PAH: variants seen among roughly 807,000 people sequenced by gnomAD.
PAH encodes phenylalanine hydroxylase, also known as phenylalanine-4-hydroxylase.
PAH carries 64 observed loss-of-function variants against 62.0 expected under a neutral mutation model. That is an observed-to-expected ratio of 1.03 (90% CI 0.84 to 1.27). The LOEUF (loss-of-function observed/expected upper bound fraction) is 1.27, where lower values mean the gene tolerates loss of function less well. Ranked by LOEUF, PAH falls within the 50% of genes most tolerant of loss-of-function variation. The pLI, the probability that PAH is intolerant of heterozygous loss-of-function variation, is 0.00. For missense variants in PAH, 579 were observed against 542.8 expected, an observed-to-expected ratio of 1.07 and a Z score of -0.66; for synonymous variants, 195 against 196.2, an observed-to-expected ratio of 0.99 and a Z score of 0.05.
At chr12:102,863,808 G>A (rs1210820280) in intron 5 of PAH, among the ~76,000 whole-genome samples, 1 of 152,012 alleles carries the variant, frequency 6.6e-6, no homozygotes, top group Non-Finnish European at 1.5e-5. Flanking sequence ...TCTCCTTTAT[G>A]TTTGAGTTGT....
At chr12:102,872,773 G>T (rs1227908123) in intron 4 of PAH, among the ~76,000 whole-genome samples, 1 of 152,126 alleles carries the variant, frequency 6.6e-6, no homozygotes, top group African/African-American at 2.4e-5. Flanking sequence ...TTTGAGACCA[G>T]CTTGGCCAAC....
intron 3 of PAH, among the ~76,000 whole-genome samples, chr12:102,882,642 CTATATATATATATATA>C (rs869088873): frequency 2.3e-5 from 2 of 85,872 alleles, no homozygotes; most frequent in South Asian, 4.1e-4. Flanking sequence ...TATATATACA[CTATATATATATATATA>C]TATATATATA....
At chr12:102,865,200 G>A (rs1246798656) in intron 5 of PAH, among the ~76,000 whole-genome samples, 1 of 152,008 alleles carries the variant, frequency 6.6e-6, no homozygotes. Context: ...ATCTGTCTCC[G>A]CTCTCCCCAA....
intron 1 of PAH, among the ~76,000 whole-genome samples, chr12:102,924,144 T>G (rs1224305510): frequency 6.6e-6 from 1 of 152,172 alleles, no homozygotes; most frequent in Non-Finnish European, 1.5e-5. Flanking sequence ...TCACAGCACA[T>G]TGACACATCT....
intron 5 of PAH, among the ~76,000 whole-genome samples, chr12:102,856,687 T>C (rs1193151510): frequency 1.3e-5 from 2 of 152,224 alleles, no homozygotes; most frequent in Non-Finnish European, 2.9e-5. Context: ...ATATTTGCTG[T>C]TCTGCAGCCT....
intron 2 of PAH, 100 bp downstream of exon 2, chr12:102,912,691 C>T: frequency 1.2e-6 from 1 of 865,484 alleles, no homozygotes; most frequent in East Asian, 2.5e-5. Flanking sequence ...TTCAAATCTG[C>T]CTGTTCCAGA....
upstream of PAH, among the ~76,000 whole-genome samples, chr12:102,951,176 T>C (rs1251741089): frequency 1.1e-4 from 16 of 152,180 alleles, no homozygotes. Flanking sequence ...TTAAACCCTC[T>C]AATTATTTAT....
At chr12:102,858,873 A>T (rs1027961872) in intron 5 of PAH, among the ~76,000 whole-genome samples, 1 of 152,222 alleles carries the variant, frequency 6.6e-6, no homozygotes, top group Non-Finnish European at 1.5e-5. Context: ...AGAAAGCAGG[A>T]AAGATTTAAA....
chr12:102,936,165 T>C (rs1292267718), intron 1 of PAH, among the ~76,000 whole-genome samples: 1 of 152,150 alleles, frequency 6.6e-6, no homozygotes, highest in African/African-American at 2.4e-5. Context: ...GAACGTATTG[T>C]TTAATTTCCA....
upstream of PAH, among the ~76,000 whole-genome samples, chr12:102,951,322 G>A (rs1879753813): frequency 6.6e-6 from 1 of 152,158 alleles, no homozygotes; most frequent in South Asian, 2.1e-4. Context: ...TTACGGCTCA[G>A]GAGTCCCACA....
At chr12:102,854,537 G>A (rs1263272426) in intron 6 of PAH, 7 of 168,360 alleles carry the variant, frequency 4.2e-5, no homozygotes, top group African/African-American at 1.7e-4. Flanking sequence ...CTGAATACCT[G>A]CTGTATATGC....
In PAH at chr12:102,866,536, G is replaced by A. The variant is rs139398450; in HGVS notation, c.509+60C>T. Reference sequence around the variant, plus strand: ...CCATCCTCAACTGGATGAGGGCAAGGGAGAAGCAGGCTAGGGGTGTGTTTT... The same window carrying A: ...CCATCCTCAACTGGATGAGGGCAAGAGAGAAGCAGGCTAGGGGTGTGTTTT... On this transcript the variant is annotated intron_variant, in intron 5 of 12. Coordinates refer to ENST00000553106, the MANE Select transcript of PAH (RefSeq NM_000277.3). 59 of 1,314,748 alleles carry A rather than the reference G, an allele frequency of 4.5e-5. No homozygotes were observed. The African/African-American group carries it at 7.5e-4, about 17-fold the overall frequency. 81.4% of individuals were successfully genotyped at this position (1,314,748 alleles called of 1,614,324 possible).
chr12:102,846,955 T>C lies in PAH; in HGVS notation c.913-4A>G. 6.2e-7 allele frequency: 1 copy of C among 1,611,888 alleles called. No individual in the cohort carries two copies. Among genetic ancestry groups the C allele is most frequent in the Non-Finnish European group, 8.5e-7 (1 of 1,178,044 alleles). On this transcript the variant is annotated splice_polypyrimidine_tract_variant and splice_region_variant and intron_variant, in intron 8 of 12. Transcript: ENST00000553106. The stretch of plus-strand genomic sequence containing the variant: ...CCAGAGAGGCAAGGCCAATTTCCTG[T>C]AATTGGGGGAAAATAGAACCTGTTC...
At chr12:102,844,014 A>C (rs1333376179) in intron 10 of PAH, among the ~76,000 whole-genome samples, 1 of 152,174 alleles carries the variant, frequency 6.6e-6, no homozygotes, top group Non-Finnish European at 1.5e-5. Context: ...CTTTCAAGTA[A>C]GGTGGTCAAT....
upstream of PAH, among the ~76,000 whole-genome samples, chr12:102,919,131 C>T (rs1279105729): frequency 6.6e-6 from 1 of 152,174 alleles, no homozygotes; most frequent in Non-Finnish European, 1.5e-5. Context: ...GAAGTTTAAA[C>T]AAATGGCCCA....
intron 3 of PAH, among the ~76,000 whole-genome samples, chr12:102,881,078 G>A (rs2136683801): frequency 6.6e-6 from 1 of 150,748 alleles, no homozygotes; most frequent in South Asian, 2.1e-4. Flanking sequence ...CAGTGTTGTT[G>A]TCTCGGCTCA....
chr12:102,854,572 T>G (rs1875323281), intron 6 of PAH: 1 of 192,898 alleles, frequency 5.2e-6, no homozygotes, highest in Non-Finnish European at 1.1e-5. Context: ...TGTTTCCATA[T>G]GCAGCACCTT....
chr12:102,916,021 A>C lies in PAH; in HGVS notation c.60+1050T>G, dbSNP rs921392263. 3.3e-5 allele frequency among the ~76,000 whole-genome samples: 5 copies of C among 152,112 alleles called. No homozygotes were observed. In the East Asian group the frequency reaches 9.6e-4, roughly 29 times the overall value. ...CCACAGTTGTGGGGACCGTATTGCC[A>C]GCAGCACCAAAACTATGTGCAGGAT... On this transcript the variant is annotated intron_variant, in intron 1 of 12. Transcript: ENST00000553106.
chr12:102,857,171 C>T (rs1047278216), intron 5 of PAH, among the ~76,000 whole-genome samples: 1 of 152,154 alleles, frequency 6.6e-6, no homozygotes, highest in Non-Finnish European at 1.5e-5. Flanking sequence ...ACGAGAACTA[C>T]GTGACAAATG....
Sources: allele counts gnomAD v4.1 joint callset (sites outside exome capture counted in the v4.1 genomes callset), GRCh38; gene constraint gnomAD v4.1.1; transcripts MANE v1.5; gene names NCBI Gene and HGNC (gene_info 2026-07-23, HGNC 2026-07-21).